UBAC2: variants seen among roughly 807,000 people sequenced by gnomAD.
The protein encoded by UBAC2 is ubiquitin-associated domain-containing protein 2.
A neutral mutation model predicts 44.0 loss-of-function variants in UBAC2; 26 were observed. The observed-to-expected ratio is 0.59, with a 90% CI of 0.43 to 0.82. The LOEUF (loss-of-function observed/expected upper bound fraction) is 0.82. Among genes scored for constraint, UBAC2 ranks in the 40% least tolerant of loss-of-function variants. UBAC2 has a pLI of 0.00. For missense variants in UBAC2, 329 were observed against 419.4 expected (o/e 0.78, Z 1.88); for synonymous variants, 155 against 154.3 (o/e 1.00, Z -0.04).
At chr13:99,266,716 G>A (rs1007128233) in intron 4 of UBAC2, among the ~76,000 whole-genome samples, 13 of 151,914 alleles carry the variant, frequency 8.6e-5, no homozygotes, top group Non-Finnish European at 1.3e-4. Flanking sequence ...ACAATTTATC[G>A]TCTTAACCAT....
Position 99,232,397 on chromosome 13 carries a change from G to GATATATATATATATATATATAT in UBAC2, c.32-6029_32-6028insTATATATATATATATATATATA, listed in dbSNP as rs768838568. On this transcript the variant is annotated intron_variant, in intron 1 of 8. Coordinates refer to ENST00000403766, the MANE Select transcript of UBAC2 (RefSeq NM_001144072.2). The stretch of plus-strand genomic sequence containing the variant: ...CAAGACCCTGTCCATCCTTAGTTGA[G>GATATATATATATATATATATAT]AGATATAGATATATATATATATATT... 9.9e-3 allele frequency among the ~76,000 whole-genome samples: 815 copies of GATATATATATATATATATATAT among 81,996 alleles called. 45 individuals are homozygous for GATATATATATATATATATATAT. The highest frequency in any genetic ancestry group is 0.014 in the East Asian group (38 of 2,814). The allele number at this position is 81,996 out of a possible 152,430, so 53.8% of individuals were successfully genotyped here.
intron 1 of UBAC2, among the ~76,000 whole-genome samples, chr13:99,224,306 G>A (rs1375225372): frequency 1.3e-5 from 2 of 152,046 alleles, no homozygotes; most frequent in African/African-American, 4.8e-5. Flanking sequence ...CTATCCTTAT[G>A]ACCTCACTTA....
At chr13:99,320,746 T>G (rs2044557037) in intron 6 of UBAC2, among the ~76,000 whole-genome samples, 2 of 152,296 alleles carry the variant, frequency 1.3e-5, no homozygotes, top group Non-Finnish European at 2.9e-5. Flanking sequence ...TGTGGCATAC[T>G]TTAGATAAGG....
intron 7 of UBAC2, among the ~76,000 whole-genome samples, chr13:99,360,614 T>C (rs1328996342): frequency 1.3e-5 from 2 of 152,206 alleles, no homozygotes; most frequent in Non-Finnish European, 2.9e-5. Context: ...ATAAACCCAC[T>C]TAGGCCCCTT....
intron 4 of UBAC2, among the ~76,000 whole-genome samples, chr13:99,278,257 T>A (rs1298048102): frequency 6.6e-6 from 1 of 152,210 alleles, no homozygotes; most frequent in African/African-American, 2.4e-5. Context: ...TCATTTGGGC[T>A]ATGCTATTAT....
chr13:99,264,805 G>C (rs1340606218), intron 4 of UBAC2, among the ~76,000 whole-genome samples: 1 of 152,128 alleles, frequency 6.6e-6, no homozygotes, highest in Admixed American at 6.5e-5. Context: ...ATAGGAGCTT[G>C]GAGGCTGCAT....
At chr13:99,278,025 A>C (rs996584855) in intron 4 of UBAC2, among the ~76,000 whole-genome samples, 10 of 152,204 alleles carry the variant, frequency 6.6e-5, no homozygotes, top group Non-Finnish European at 2.9e-5. Flanking sequence ...TGTAGGGCAC[A>C]GGTCTTACCT....
At chr13:99,244,397 A>G in intron 3 of UBAC2, 118 bp from the exon 4 acceptor site, 1 of 655,958 alleles carries the variant, frequency 1.5e-6, no homozygotes, top group South Asian at 1.9e-5. Flanking sequence ...GCATGTGTGT[A>G]TATACACACA....
intron 6 of UBAC2, among the ~76,000 whole-genome samples, chr13:99,339,718 A>T (rs897763830): frequency 4.6e-5 from 7 of 152,134 alleles, no homozygotes; most frequent in Middle Eastern, 3.2e-3. Context: ...TTCTGTAACC[A>T]TACATTATAA....
chr13:99,367,677 T>C (rs2138895735), intron 7 of UBAC2, 110 bp from the exon 8 acceptor site: 1 of 1,437,448 alleles, frequency 7.0e-7, no homozygotes, highest in Non-Finnish European at 9.7e-7. Context: ...ATCAATATGA[T>C]ACTTCCTTCC....
chr13:99,341,047 A>G (rs1343485554), intron 7 of UBAC2, among the ~76,000 whole-genome samples: 1 of 152,226 alleles, frequency 6.6e-6, no homozygotes, highest in Non-Finnish European at 1.5e-5. Flanking sequence ...GTGTTTTCTC[A>G]ACCTTGCTAT....
chr13:99,340,734 T>G (rs1021882474), intron 7 of UBAC2, among the ~76,000 whole-genome samples, 169 bp downstream of exon 7: 1 of 152,200 alleles, frequency 6.6e-6, no homozygotes, highest in African/African-American at 2.4e-5. Flanking sequence ...CATTCTTAGT[T>G]TTTTAAAAAG....
intron 4 of UBAC2, chr13:99,261,581 G>GTT (rs1426338855): frequency 6.6e-6 from 1 of 152,104 alleles, no homozygotes; most frequent in Non-Finnish European, 1.5e-5. Context: ...TTTGTGTGTA[G>GTT]TTTTAAAGAT....
intron 8 of UBAC2, among the ~76,000 whole-genome samples, chr13:99,382,470 C>A (rs2045563944): frequency 6.6e-6 from 1 of 152,112 alleles, no homozygotes; most frequent in Non-Finnish European, 1.5e-5. Context: ...TAATGCATTC[C>A]TCTGCTCTCA....
intron 4 of UBAC2, among the ~76,000 whole-genome samples, chr13:99,305,615 G>C (rs576897554): frequency 3.1e-4 from 47 of 152,134 alleles, no homozygotes; most frequent in Admixed American, 1.8e-3. Flanking sequence ...ATAGAAACCT[G>C]AGTTAATATT....
At chr13:99,263,341 C>T (rs983589808) in intron 4 of UBAC2, among the ~76,000 whole-genome samples, 1 of 152,114 alleles carries the variant, frequency 6.6e-6, no homozygotes, top group Admixed American at 6.6e-5. Context: ...CATTCCATGG[C>T]CAAAAGACTT....
intron 1 of UBAC2, among the ~76,000 whole-genome samples, chr13:99,207,993 C>CT (rs369860759): frequency 2.4e-4 from 26 of 109,466 alleles, no homozygotes; most frequent in African/African-American, 7.1e-4. Flanking sequence ...CTCATCGTCT[C>CT]TTTTTTTTTT....
In UBAC2 at chr13:99,338,047, CTTTTTTTTTTTTTTTT is replaced by C. The variant is rs869112086; in HGVS notation, c.562-2260_562-2245del. 1.4e-4 allele frequency among the ~76,000 whole-genome samples: 7 copies of C among 48,868 alleles called. No individual in the cohort carries two copies. The South Asian group carries it at 4.3e-3, about 30-fold the overall frequency. 32.1% of individuals were successfully genotyped at this position (48,868 alleles called of 152,430 possible). On this transcript the variant is annotated intron_variant, in intron 6 of 8. Coordinates refer to ENST00000403766, the MANE Select transcript of UBAC2 (RefSeq NM_001144072.2). ...ATCTCCTAACTTTTTTTCTTTTTTT[CTTTTTTTTTTTTTTTT>C]TTTTTTTTTTTTGAGACAGAGTCTC...
chr13:99,315,748 A>G (rs1380275427), intron 5 of UBAC2, among the ~76,000 whole-genome samples: 1 of 152,160 alleles, frequency 6.6e-6, no homozygotes, highest in African/African-American at 2.4e-5. Context: ...ACTATTAATT[A>G]ATAATTTATA....
Sources: allele counts gnomAD v4.1 joint callset (sites outside exome capture counted in the v4.1 genomes callset), GRCh38; gene constraint gnomAD v4.1.1; transcripts MANE v1.5; gene names NCBI Gene and HGNC (gene_info 2026-07-23, HGNC 2026-07-21).